Variants in PCDH15 observed in about 807,000 individuals in gnomAD.
PCDH15 encodes protocadherin related 15.
In PCDH15, 129 loss-of-function variants were observed where a neutral mutation model predicts 178.5. The ratio of observed to expected loss-of-function variants is 0.72; its 90% confidence interval spans 0.63 to 0.84. The LOEUF is 0.84. Among genes scored for constraint, PCDH15 ranks in the 40% least tolerant of loss-of-function variants. The pLI is 0.00. For synonymous variants in PCDH15, 800 were observed against 732.0 expected (o/e 1.09, Z -1.50); for missense variants, 2,230 against 2,099.9 (o/e 1.06, Z -1.21).
At chr10:54,250,051 C>T (rs1185451660) in intron 8 of PCDH15, among the ~76,000 whole-genome samples, 2 of 150,530 alleles carry the variant, frequency 1.3e-5, no homozygotes, top group African/African-American at 2.4e-5. Context: ...GTAGCTGGGA[C>T]TACAGGTGCA....
chr10:54,453,913 A>C (rs2136328951), intron 3 of PCDH15, among the ~76,000 whole-genome samples: 1 of 152,052 alleles, frequency 6.6e-6, no homozygotes, highest in South Asian at 2.1e-4. Flanking sequence ...CATTTCTGTT[A>C]TTTTTAAGCC....
chr10:53,813,782 T>C (rs1298963911), intron 35 of PCDH15, among the ~76,000 whole-genome samples: 1 of 151,934 alleles, frequency 6.6e-6, no homozygotes, highest in African/African-American at 2.4e-5. Context: ...CAACGAAATA[T>C]ATTATATCAT....
chr10:55,273,313 A>G (rs1328175610), intron 1 of PCDH15, among the ~76,000 whole-genome samples: 1 of 152,174 alleles, frequency 6.6e-6, no homozygotes, highest in Non-Finnish European at 1.5e-5. Flanking sequence ...TCAACATCTT[A>G]CTATGCCTGC....
chr10:54,347,337 T>C (rs1943461590), intron 5 of PCDH15, among the ~76,000 whole-genome samples: 3 of 152,090 alleles, frequency 2.0e-5, no homozygotes, highest in Admixed American at 2.0e-4. Context: ...ACCCCTCAAA[T>C]AGCATTACAC....
At chr10:54,889,500 G>GAGATATATATATATAT (rs1554811033) in intron 3 of PCDH15, among the ~76,000 whole-genome samples, 2 of 142,008 alleles carry the variant, frequency 1.4e-5, no homozygotes, top group Admixed American at 7.1e-5. Context: ...TAATTGTGAA[G>GAGATATATATATATAT]ATATATATAT....
chr10:54,150,314 C>A (rs1043954825), intron 14 of PCDH15, among the ~76,000 whole-genome samples: 14 of 152,182 alleles, frequency 9.2e-5, no homozygotes, highest in African/African-American at 2.9e-4. Flanking sequence ...AACCGTATCT[C>A]TGTGATTAAT....
chr10:54,484,202 C>T (rs936560016), intron 3 of PCDH15, among the ~76,000 whole-genome samples: 1 of 151,876 alleles, frequency 6.6e-6, no homozygotes, highest in South Asian at 2.1e-4. Flanking sequence ...AATATACATA[C>T]ACCTCTATAA....
intron 2 of PCDH15, among the ~76,000 whole-genome samples, chr10:55,164,208 T>C (rs1839137280): frequency 6.6e-6 from 1 of 152,080 alleles, no homozygotes; most frequent in Non-Finnish European, 1.5e-5. Context: ...CAAATAAAGT[T>C]GGAGTACTTG....
At chr10:54,255,778 A>T (rs1203739368) in intron 8 of PCDH15, among the ~76,000 whole-genome samples, 1 of 152,090 alleles carries the variant, frequency 6.6e-6, no homozygotes, top group Non-Finnish European at 1.5e-5. Context: ...CAGAGCCTAT[A>T]CTCTGTAACT....
chr10:55,314,402 A>G (rs983821966), intron 1 of PCDH15, among the ~76,000 whole-genome samples: 2 of 151,998 alleles, frequency 1.3e-5, no homozygotes, highest in Admixed American at 6.6e-5. Flanking sequence ...TGTCAAGAAA[A>G]GACAGCTGAG....
intron 1 of PCDH15, among the ~76,000 whole-genome samples, chr10:55,270,690 G>A (rs998407214): frequency 6.6e-6 from 1 of 152,154 alleles, no homozygotes; most frequent in African/African-American, 2.4e-5. Context: ...ATACACTGTT[G>A]GTGAGAATGC....
At chr10:54,926,940 C>G (rs1837644476) in intron 2 of PCDH15, among the ~76,000 whole-genome samples, 3 of 151,794 alleles carry the variant, frequency 2.0e-5, no homozygotes, top group African/African-American at 7.3e-5. Context: ...TTTTTTTAAT[C>G]TATCTCAGAG....
intron 4 of PCDH15, among the ~76,000 whole-genome samples, chr10:54,373,163 A>G (rs1194868434): frequency 6.6e-6 from 1 of 151,880 alleles, no homozygotes; most frequent in Non-Finnish European, 1.5e-5. Context: ...TTTTTTTTCT[A>G]GAAACCAAAT....
intron 15 of PCDH15, among the ~76,000 whole-genome samples, chr10:54,093,290 T>A (rs914876887): frequency 6.6e-6 from 1 of 151,090 alleles, no homozygotes; most frequent in Non-Finnish European, 1.5e-5. Flanking sequence ...TTTGATTCCT[T>A]TCTTCATTTT....
chr10:55,609,081 C>CT (rs887100487), intron 2 of PCDH15, among the ~76,000 whole-genome samples: 16 of 150,324 alleles, frequency 1.1e-4, no homozygotes, highest in African/African-American at 3.7e-4. Flanking sequence ...GAGTACTTTT[C>CT]TTTTTTTTTC....
Position 53,823,241 on chromosome 10 carries a change from T to C in PCDH15, c.4368-3011A>G, listed in dbSNP as rs772650866. 6.9e-5 allele frequency: 112 copies of C among 1,614,088 alleles called. No individual in the cohort carries two copies. In the East Asian group the frequency reaches 2.3e-3, roughly 33 times the overall value. Reference sequence around the variant, plus strand: ...TCTTAAGTGATCCGTCTACATGAGCTGACTTGTGAGCCTCAATAGTATTGG... The same window carrying C: ...TCTTAAGTGATCCGTCTACATGAGCCGACTTGTGAGCCTCAATAGTATTGG... On this transcript the variant is annotated intron_variant, in intron 32 of 37. Coordinates refer to ENST00000644397, the MANE Select transcript of PCDH15 (RefSeq NM_001384140.1).
intron 2 of PCDH15, among the ~76,000 whole-genome samples, chr10:55,449,322 T>C (rs962800760): frequency 6.6e-6 from 1 of 151,990 alleles, no homozygotes; most frequent in African/African-American, 2.4e-5. Flanking sequence ...GTTGGTTCCA[T>C]CAGAAACAAA....
intron 9 of PCDH15, among the ~76,000 whole-genome samples, chr10:54,230,949 TACAC>T (rs1313180622): frequency 6.6e-6 from 1 of 152,192 alleles, no homozygotes; most frequent in Non-Finnish European, 1.5e-5. Context: ...TAGAAATAAA[TACAC>T]ATTGTATGAT....
At chr10:54,556,132 T>G (rs1301360850) in intron 2 of PCDH15, among the ~76,000 whole-genome samples, 1 of 152,254 alleles carries the variant, frequency 6.6e-6, no homozygotes, top group Non-Finnish European at 1.5e-5. Flanking sequence ...TAGCCCTGTT[T>G]TCCTGTGGTG....
Sources: gnomAD v4.1 joint callset for allele counts (sites outside exome capture counted in the v4.1 genomes callset) on GRCh38, gnomAD v4.1.1 for gene constraint, MANE v1.5 for transcripts, NCBI Gene and HGNC (gene_info 2026-07-23, HGNC 2026-07-21) for gene names.